TMEM108: variants seen among roughly 807,000 people sequenced by gnomAD.
TMEM108 encodes cancer/testis antigen 124.
In TMEM108, 12 loss-of-function variants were observed where a neutral mutation model predicts 35.1. The observed-to-expected ratio is 0.34, with a 90% CI of 0.22 to 0.55. TMEM108 has a LOEUF of 0.55. Ranked by LOEUF, TMEM108 falls within the 20% of genes least tolerant of loss-of-function variation. TMEM108 has a pLI of 0.89. For missense variants in TMEM108, 680 were observed against 753.3 expected (o/e 0.90, Z 1.14); for synonymous variants, 287 against 308.6 (o/e 0.93, Z 0.73).
intron 4 of TMEM108, among the ~76,000 whole-genome samples, chr3:133,386,173 A>G (rs1334833809): frequency 1.3e-5 from 2 of 152,210 alleles, no homozygotes; most frequent in Non-Finnish European, 2.9e-5. Flanking sequence ...TGACCAGGGC[A>G]TTTTCATGGC....
intron 2 of TMEM108, among the ~76,000 whole-genome samples, chr3:133,100,201 T>C (rs1003201398): frequency 2.0e-5 from 3 of 152,220 alleles, no homozygotes; most frequent in African/African-American, 7.2e-5. Flanking sequence ...GTGAGACTTA[T>C]TCACTATCAT....
chr3:133,243,850 G>A (rs560049572), intron 3 of TMEM108, among the ~76,000 whole-genome samples: 18 of 152,280 alleles, frequency 1.2e-4, no homozygotes, highest in Admixed American at 4.6e-4. Context: ...GAGTGTCGTA[G>A]GTTGGGCGGT....
chr3:133,387,918 G>A, intron 4 of TMEM108: 1 of 985,424 alleles, frequency 1.0e-6, no homozygotes, highest in Non-Finnish European at 1.2e-6. Context: ...CAGTAGATCA[G>A]AGGCACAAAT....
intron 2 of TMEM108, among the ~76,000 whole-genome samples, chr3:133,191,006 T>C (rs1945489819): frequency 6.9e-6 from 1 of 144,994 alleles, no homozygotes; most frequent in Non-Finnish European, 1.5e-5. Flanking sequence ...ATGGTAGTTC[T>C]TAGCAAAGAA....
chr3:133,195,405 G>A (rs543101455), intron 2 of TMEM108, among the ~76,000 whole-genome samples: 2 of 152,038 alleles, frequency 1.3e-5, no homozygotes, highest in Admixed American at 1.3e-4. Context: ...CATTCTTCTT[G>A]ACATCCTTTC....
chr3:133,264,086 G>T (rs919469077), intron 3 of TMEM108, among the ~76,000 whole-genome samples: 1 of 152,054 alleles, frequency 6.6e-6, no homozygotes, highest in Non-Finnish European at 1.5e-5. Flanking sequence ...CAGGAGGATC[G>T]CTTGAGGCTA....
chr3:133,269,688 C>G (rs1194305569), intron 3 of TMEM108, among the ~76,000 whole-genome samples: 1 of 152,186 alleles, frequency 6.6e-6, no homozygotes, highest in Non-Finnish European at 1.5e-5. Context: ...ATTGGACTCT[C>G]ACATGATATG....
chr3:133,096,392 C>T (rs1406309569), intron 2 of TMEM108, among the ~76,000 whole-genome samples: 2 of 152,158 alleles, frequency 1.3e-5, no homozygotes, highest in Non-Finnish European at 2.9e-5. Context: ...AACTCCTCAC[C>T]TCAAGCAATC....
At chr3:133,118,422 G>A (rs1001354116) in intron 2 of TMEM108, among the ~76,000 whole-genome samples, 16 of 152,182 alleles carry the variant, frequency 1.1e-4, no homozygotes, top group African/African-American at 3.1e-4. Flanking sequence ...CCAAGAAGAA[G>A]GGAAAGATAA....
At chr3:133,388,003 G>A in intron 4 of TMEM108, 1 of 985,486 alleles carries the variant, frequency 1.0e-6, no homozygotes, top group Non-Finnish European at 1.2e-6. Flanking sequence ...GCCAGCCTGT[G>A]TTCTGTGTCT....
At chr3:133,270,581 A>G (rs527793953) in intron 3 of TMEM108, among the ~76,000 whole-genome samples, 1 of 152,256 alleles carries the variant, frequency 6.6e-6, no homozygotes, top group South Asian at 2.1e-4. Flanking sequence ...GGAGCTGGGA[A>G]GAAGACTGGA....
intron 2 of TMEM108, among the ~76,000 whole-genome samples, chr3:133,152,733 A>G (rs993314579): frequency 1.3e-5 from 2 of 152,272 alleles, no homozygotes; most frequent in South Asian, 4.2e-4. Flanking sequence ...TGCTTTCTGA[A>G]ATGCCCTTAT....
At chr3:133,311,994 T>C (rs1628942) in intron 3 of TMEM108, among the ~76,000 whole-genome samples, 37,698 of 152,180 alleles carry the variant, frequency 0.25, 5,139 homozygotes, top group East Asian at 0.46. Flanking sequence ...TGTTGGAGTT[T>C]GCTGGACATC....
chr3:133,386,669 A>G (rs1795107), intron 4 of TMEM108: 565,161 of 1,401,892 alleles, frequency 0.4, 115,148 homozygotes, highest in Admixed American at 0.43. Context: ...GAAACAGAGC[A>G]GTTGAAGCTT....
At position 133,111,573 on chromosome 3, in the gene TMEM108, T is replaced by C. The variant is rs557815658; in HGVS notation, c.-47+65553T>C. Among the ~76,000 whole-genome samples the C allele has an allele frequency of 5.3e-5, 8 of 152,258 alleles. No individual in the cohort carries two copies. In the South Asian group the frequency reaches 1.5e-3, roughly 28 times the overall value. On this transcript the variant is annotated intron_variant, in intron 2 of 5. Transcript: ENST00000321871. ...CAGATGTGTGTGTATTCATATATAT[T>C]AATATATATGCACAATACATTGCTT...
chr3:133,165,999 C>T (rs1945031561), intron 2 of TMEM108, among the ~76,000 whole-genome samples: 1 of 152,222 alleles, frequency 6.6e-6, no homozygotes, highest in African/African-American at 2.4e-5. Context: ...GTGGTCTTCT[C>T]ATCAGGAGAA....
At chr3:133,122,823 A>G (rs1338529235) in intron 2 of TMEM108, among the ~76,000 whole-genome samples, 1 of 148,500 alleles carries the variant, frequency 6.7e-6, no homozygotes, top group Non-Finnish European at 1.5e-5. Context: ...AGATCACGCC[A>G]CTGTACTCCA....
At chr3:133,360,816 G>A (rs2072325898) in intron 3 of TMEM108, among the ~76,000 whole-genome samples, 1 of 152,172 alleles carries the variant, frequency 6.6e-6, no homozygotes. Context: ...ATTATCCCCA[G>A]TGGGCTATCT....
At chr3:133,271,992 T>C (rs569845286) in intron 3 of TMEM108, among the ~76,000 whole-genome samples, 14 of 152,312 alleles carry the variant, frequency 9.2e-5, no homozygotes, top group African/African-American at 3.4e-4. Flanking sequence ...AATGAATCAA[T>C]AAAAATGCAT....
Sources: gnomAD v4.1 joint callset for allele counts (sites outside exome capture counted in the v4.1 genomes callset) on GRCh38, gnomAD v4.1.1 for gene constraint, MANE v1.5 for transcripts, NCBI Gene and HGNC (gene_info 2026-07-23, HGNC 2026-07-21) for gene names.